The following C5orf22 variants were observed in gnomAD, a reference collection of about 807,000 sequenced individuals.
C5orf22 encodes chromosome 5 open reading frame 22.
In C5orf22, 36 loss-of-function variants were observed where a neutral mutation model predicts 48.7. The observed-to-expected ratio is 0.74, with a 90% CI of 0.57 to 0.98. The LOEUF (loss-of-function observed/expected upper bound fraction) is 0.98, where lower values mean the gene tolerates loss of function less well. Ranked by LOEUF, C5orf22 falls within the 50% of genes least tolerant of loss-of-function variation. The pLI, the probability that C5orf22 is intolerant of heterozygous loss-of-function variation, is 0.00. For missense variants in C5orf22, 486 were observed against 521.9 expected (o/e 0.93, Z 0.67); for synonymous variants, 141 against 180.8 (o/e 0.78, Z 1.76).
intron 7 of C5orf22, among the ~76,000 whole-genome samples, chr5:31,548,993 G>A (rs898879822): frequency 8.5e-5 from 13 of 152,110 alleles, no homozygotes; most frequent in Non-Finnish European, 1.9e-4. Flanking sequence ...GCCGAAGCGA[G>A]CAGATCACCT....
intron 7 of C5orf22, among the ~76,000 whole-genome samples, chr5:31,547,219 C>T (rs552897763): frequency 3.3e-5 from 5 of 152,378 alleles, no homozygotes; most frequent in East Asian, 3.9e-4. Context: ...ATCCAGGTCA[C>T]GCTGATGCAA....
At chr5:31,551,199 A>G in intron 7 of C5orf22, 94 bp from the exon 8 acceptor site, 1 of 1,230,644 alleles carries the variant, frequency 8.1e-7, no homozygotes, top group East Asian at 2.4e-5. Context: ...ATGTATCAAT[A>G]AAAGTAAAGA....
intron 6 of C5orf22, among the ~76,000 whole-genome samples, chr5:31,542,188 C>T (rs982081746): frequency 2.6e-5 from 4 of 151,890 alleles, no homozygotes; most frequent in Non-Finnish European, 4.4e-5. Flanking sequence ...TGGTGGCTCA[C>T]GCCTGTAATC....
intron 1 of C5orf22, among the ~76,000 whole-genome samples, chr5:31,532,781 AAC>A (rs1741664202): frequency 6.6e-6 from 1 of 151,942 alleles, no homozygotes; most frequent in Non-Finnish European, 1.5e-5. Flanking sequence ...CTGTGTTCTT[AAC>A]CTGCAGTTAA....
In C5orf22 at chr5:31,551,513, A is replaced by G. The variant is rs137943869; in HGVS notation, c.1199+81A>G. 2.8e-4 allele frequency: 318 copies of G among 1,123,124 alleles called. 2 individuals carry two copies. In the East Asian group the frequency reaches 6.0e-3, roughly 21 times the overall value. 69.6% of individuals were successfully genotyped at this position (1,123,124 alleles called of 1,614,324 possible). A position where few individuals can be genotyped will look rare whatever the true frequency, so the allele number is the denominator to read the frequency against. On this transcript the variant is annotated intron_variant, in intron 8 of 8. Transcript: ENST00000325366. ...GGAACCTGTGAATATGTTACATTAT[A>G]TGGCAAAAGGAAATTCGCAGTGTGA...
At chr5:31,536,032 C>T (rs770807723) in intron 3 of C5orf22, 139 bp downstream of exon 3, 19 of 735,322 alleles carry the variant, frequency 2.6e-5, no homozygotes, top group East Asian at 9.0e-5. Context: ...TCTCAAAACA[C>T]GAAGAACAAA....
At chr5:31,535,490 T>C (rs1458800422) in intron 2 of C5orf22, among the ~76,000 whole-genome samples, 4 of 152,244 alleles carry the variant, frequency 2.6e-5, no homozygotes, top group Non-Finnish European at 4.4e-5. Flanking sequence ...GCTGCTGCCT[T>C]AATTAATGTT....
At chr5:31,541,438 CTAACTTTCAGTCCTAGA>C (rs1411281534) in intron 6 of C5orf22, 36 bp downstream of exon 6, 1 of 1,607,522 alleles carries the variant, frequency 6.2e-7, no homozygotes. Context: ...CCCAACTCTA[CTAACTTTCAGTCCTAGA>C]TATGTTCCTA....
Position 31,538,722 on chromosome 5 carries a change from G to T in C5orf22, c.807+33G>T. ...ATTGTGTTTTTAACACATAGATCTTGAGAATTGTATGGCTTTTCTCTAGAT... is the reference window on the plus strand; with the variant it reads ...ATTGTGTTTTTAACACATAGATCTTTAGAATTGTATGGCTTTTCTCTAGAT... On this transcript the variant is annotated intron_variant, in intron 4 of 8. Transcript: ENST00000325366. The T allele has an allele frequency of 2.7e-6, 4 of 1,502,946 alleles. No homozygotes were observed. The South Asian group carries it at 4.9e-5, about 19-fold the overall frequency. 93.1% of individuals were successfully genotyped at this position (1,502,946 alleles called of 1,614,324 possible).
At position 31,532,328 on chromosome 5, in the gene C5orf22, C is replaced by T. The variant is rs1241597323; in HGVS notation, c.-65C>T. 3.2e-6 allele frequency: 5 copies of T among 1,549,438 alleles called. No homozygotes were observed. In the Admixed American group the frequency reaches 5.0e-5, roughly 16 times the overall value. On this transcript the variant is annotated 5_prime_UTR_variant, in exon 1 of 9. Transcript: ENST00000325366. ...CCGGAGAGAGCTGGCCGGGATGAGG[C>T]GCCGGCTTTCCCGGGTCTTCTCCAG...
Position 31,551,424 on chromosome 5 carries a change from A to T in C5orf22, c.1191A>T (p.Thr397=). The T allele has an allele frequency of 6.2e-7, 1 of 1,610,504 alleles. No homozygotes were observed. Among genetic ancestry groups the T allele is most frequent in the Non-Finnish European group, 8.5e-7 (1 of 1,178,810 alleles). ...ATTTACCAAATCCTACTCTTGTGAC[A>T]ATTGCAAGGTAAGTGTGTTCAGCAG... ...LKNLPNPTLV[T]IARSSLDDYC... The change falls in exon 8 of 9, where the codon ACA becomes ACT. Residue 397 remains threonine, a synonymous_variant. Transcript: ENST00000325366.
At chr5:31,551,265 G>C (rs1265085932) in intron 7 of C5orf22, 28 bp from the exon 8 acceptor site, 4 of 1,609,366 alleles carry the variant, frequency 2.5e-6, no homozygotes, top group Non-Finnish European at 3.4e-6. Flanking sequence ...CTGTCATACA[G>C]TGTAATTTTT....
chr5:31,533,140 A>G (rs1228254608), intron 1 of C5orf22, among the ~76,000 whole-genome samples: 1 of 152,026 alleles, frequency 6.6e-6, no homozygotes, highest in African/African-American at 2.4e-5. Flanking sequence ...TTTTTAGTAG[A>G]GACGGGGCTT....
rs150791229 is a variant in C5orf22, at chr5:31,534,467, A to T, written c.227+50A>T. 4.2e-5 allele frequency: 63 copies of T among 1,500,984 alleles called. No individual in the cohort carries two copies. In the Middle Eastern group the frequency reaches 5.3e-4, roughly 13 times the overall value. The allele number at this position is 1,500,984 out of a possible 1,614,324, so 93.0% of individuals were successfully genotyped here. A position where few individuals can be genotyped will look rare whatever the true frequency, so the allele number is the denominator to read the frequency against. The stretch of plus-strand genomic sequence containing the variant: ...CTTTTGTGTTTGAAGTACAATTTGC[A>T]GTAGATAATAAGCAATTATAGGAAA... On this transcript the variant is annotated intron_variant, in intron 2 of 8. Coordinates refer to ENST00000325366, the MANE Select transcript of C5orf22 (RefSeq NM_018356.3).
intron 1 of C5orf22, among the ~76,000 whole-genome samples, chr5:31,534,015 C>T (rs1159617782): frequency 6.6e-6 from 1 of 152,184 alleles, no homozygotes; most frequent in African/African-American, 2.4e-5. Flanking sequence ...TGGTCTGTTT[C>T]CCCACATGAC....
chr5:31,541,503 C>A, intron 6 of C5orf22, 101 bp downstream of exon 6: 2 of 1,307,270 alleles, frequency 1.5e-6, no homozygotes, highest in Non-Finnish European at 2.1e-6. Flanking sequence ...AAGTAGTATT[C>A]AGCTACTTGG....
intron 1 of C5orf22, 96 bp downstream of exon 1, chr5:31,532,569 G>A (rs529339250): frequency 2.8e-6 from 3 of 1,080,252 alleles, no homozygotes; most frequent in Admixed American, 2.2e-5. Context: ...TCGGAGGCCA[G>A]AGAGTTAACC....
At chr5:31,541,213 T>G (rs571851629) in intron 5 of C5orf22, 68 bp from the exon 6 acceptor site, 7 of 1,529,700 alleles carry the variant, frequency 4.6e-6, no homozygotes, top group Non-Finnish European at 6.2e-6. Flanking sequence ...AAGTTTTTTT[T>G]GTAATGGGAT....
At chr5:31,551,481 A>G in intron 8 of C5orf22, 49 bp downstream of exon 8, 1 of 1,390,980 alleles carries the variant, frequency 7.2e-7, no homozygotes. Context: ...TGCACATCCT[A>G]ATCTCTGGAA....
Sources: gnomAD v4.1 joint callset for allele counts (sites outside exome capture counted in the v4.1 genomes callset) on GRCh38, gnomAD v4.1.1 for gene constraint, MANE v1.5 for transcripts, NCBI Gene and HGNC (gene_info 2026-07-23, HGNC 2026-07-21) for gene names.